Variants in FAM120A observed in about 807,000 individuals in gnomAD.
FAM120A encodes the protein constitutive coactivator of PPAR-gamma-like protein 1.
Under a neutral mutation model 109.7 loss-of-function variants are expected in FAM120A, and 15 were observed. The observed-to-expected ratio is 0.14, with a 90% CI of 0.09 to 0.21. The LOEUF is 0.21. Among genes scored for constraint, FAM120A ranks in the 10% least tolerant of loss-of-function variants. FAM120A has a pLI of 1.00. For missense variants in FAM120A, 899 were observed against 1,439.3 expected (o/e 0.62, Z 6.07); for synonymous variants, 493 against 572.8 (o/e 0.86, Z 1.99).
chr9:93,457,344 A>G (rs2131197885), intron 1 of FAM120A, among the ~76,000 whole-genome samples: 1 of 151,932 alleles, frequency 6.6e-6, no homozygotes, highest in Non-Finnish European at 1.5e-5. Flanking sequence ...TGTGTAGGCC[A>G]TATATTTTAT....
intron 11 of FAM120A, among the ~76,000 whole-genome samples, chr9:93,544,533 A>G (rs10992781): frequency 0.28 from 42,510 of 152,168 alleles, 7,004 homozygotes; most frequent in East Asian, 0.42. Context: ...GTTTGGTTTC[A>G]TTTTAAAAGA....
intron 1 of FAM120A, chr9:93,453,152 A>C (rs1857359761): frequency 1.0e-6 from 1 of 1,003,420 alleles, no homozygotes; most frequent in African/African-American, 1.7e-5. Flanking sequence ...GGAGTCGCTC[A>C]AAATCAGGGG....
At chr9:93,497,650 T>C in intron 4 of FAM120A, 51 bp downstream of exon 4, 1 of 1,567,094 alleles carries the variant, frequency 6.4e-7, no homozygotes, top group East Asian at 2.3e-5. Flanking sequence ...GGATATGACG[T>C]TGCATAGTGG....
At chr9:93,463,536 A>G (rs972266182) in intron 1 of FAM120A, among the ~76,000 whole-genome samples, 1 of 152,204 alleles carries the variant, frequency 6.6e-6, no homozygotes, top group South Asian at 2.1e-4. Flanking sequence ...TAATGTTCTT[A>G]TTCTTCAGTT....
In FAM120A at chr9:93,555,704, C is replaced by T. The variant is rs979537894; in HGVS notation, c.2275-678C>T. On this transcript the variant is annotated intron_variant, in intron 12 of 17. Coordinates refer to ENST00000277165, the MANE Select transcript of FAM120A (RefSeq NM_014612.5). ...TAGAAGGTAGGCACCCAGCACTTAA[C>T]ACTGAGGGAAGTAAAAGTCTGCACA... Among the ~76,000 whole-genome samples, 5 of 152,200 alleles carry T rather than the reference C, an allele frequency of 3.3e-5. 1 individual carries two copies. Among genetic ancestry groups the T allele is most frequent in the African/African-American group, 1.2e-4 (5 of 41,430 alleles).
At position 93,452,039 on chromosome 9, in the gene FAM120A, A is replaced by G. The variant is rs1029974624; in HGVS notation, c.124A>G (p.Thr42Ala). 6.4e-7 allele frequency: 1 copy of G among 1,571,430 alleles called. No homozygotes were observed. Residue 42 changes from threonine to alanine, a missense_variant, in exon 1 of 18, where the codon ACC becomes GCC. By Grantham distance (58) the Thr-to-Ala change is moderately conservative. This residue lies in a region of FAM120A where 258 missense variants were observed against 451.4 expected (regional missense o/e 0.57). Transcript: ENST00000277165. The surrounding 1 kb of genome is among the most constrained non-coding windows in gnomAD (Gnocchi z 7.0). ...CGGCGGGCGGCAGCGGCCCCCGCAG[A>G]CCCCGCTGCGCCTGCTGGTGGACGC... Reference protein sequence around the residue: ...VGGGRQRPPQTPLRLLVDADN... With the variant: ...VGGGRQRPPQAPLRLLVDADN...
chr9:93,559,227 G>A (rs1004544131), intron 15 of FAM120A, among the ~76,000 whole-genome samples: 4 of 152,184 alleles, frequency 2.6e-5, no homozygotes, highest in Admixed American at 6.5e-5. Context: ...CTTTGCATTT[G>A]TATTAGGCTT....
rs773283700 is a variant in FAM120A at position 93,557,930 on chromosome 9, T to C, written c.2588T>C (p.Leu863Pro). ...CTCCCTTTCCCGCCGCCACCTGCCC[T>C]GCCCTTCTACCCTGCCTCTGCGTAC... Reference protein sequence around the residue: ...HTLPFPPPPALPFYPASAYPR... With the variant: ...HTLPFPPPPAPPFYPASAYPR... Residue 863 changes from leucine to proline, a missense_variant, in exon 14 of 18, where the codon CTG (leucine) becomes CCG (proline). Physicochemically the swap from Leu to Pro is moderately conservative, Grantham distance 98. Transcript: ENST00000277165. The C allele has an allele frequency of 6.2e-7, 1 of 1,609,852 alleles. No homozygotes were observed. The highest frequency in any genetic ancestry group is 1.1e-5 in the South Asian group (1 of 90,990).
At chr9:93,455,168 A>G (rs1262936521) in intron 1 of FAM120A, among the ~76,000 whole-genome samples, 1 of 152,252 alleles carries the variant, frequency 6.6e-6, no homozygotes, top group Non-Finnish European at 1.5e-5. Flanking sequence ...AAACTACAGT[A>G]TAGCCATACT....
At chr9:93,454,175 T>C (rs1857440957) in intron 1 of FAM120A, among the ~76,000 whole-genome samples, 2 of 152,220 alleles carry the variant, frequency 1.3e-5, no homozygotes, top group Non-Finnish European at 1.5e-5. Flanking sequence ...TCACTTAGGT[T>C]TCTGGACACG....
Position 93,558,077 on chromosome 9 carries a change from T to C in FAM120A, c.2668+67T>C. 4.2e-6 allele frequency: 6 copies of C among 1,438,002 alleles called. No homozygotes were observed. In the South Asian group the frequency reaches 7.1e-5, roughly 17 times the overall value. The allele number at this position is 1,438,002 out of a possible 1,614,324, so 89.1% of individuals were successfully genotyped here. On this transcript the variant is annotated intron_variant, in intron 14 of 17. Transcript: ENST00000277165. ...GATTCCTGTAAAGAAAGTGCAGCCC[T>C]TATAGGCAAGCCCATCTGCTGTGTT...
chr9:93,504,356 T>C (rs974999710), intron 5 of FAM120A, among the ~76,000 whole-genome samples: 1 of 152,172 alleles, frequency 6.6e-6, no homozygotes, highest in Non-Finnish European at 1.5e-5. Context: ...GTAAAAAAAA[T>C]GATTTTGTAA....
At chr9:93,490,562 G>A (rs1859269260) in intron 3 of FAM120A, among the ~76,000 whole-genome samples, 1 of 152,124 alleles carries the variant, frequency 6.6e-6, no homozygotes, top group African/African-American at 2.4e-5. Context: ...ATATTACATG[G>A]TAACTTCATT....
intron 3 of FAM120A, among the ~76,000 whole-genome samples, chr9:93,493,827 C>T (rs555800844): frequency 1.8e-4 from 28 of 151,868 alleles, no homozygotes; most frequent in African/African-American, 6.8e-4. Flanking sequence ...AACTTGGCTT[C>T]GCAGTCAGCC....
chr9:93,480,742 G>A (rs1044313444), intron 3 of FAM120A, among the ~76,000 whole-genome samples: 1 of 152,068 alleles, frequency 6.6e-6, no homozygotes, highest in Non-Finnish European at 1.5e-5. Context: ...CTTTAATAAG[G>A]AAAATACATT....
chr9:93,480,983 C>T (rs544422676), intron 3 of FAM120A, among the ~76,000 whole-genome samples: 5 of 152,346 alleles, frequency 3.3e-5, no homozygotes, highest in African/African-American at 9.6e-5. Context: ...GCTGAGCCTG[C>T]AGAGCATGGG....
intron 3 of FAM120A, among the ~76,000 whole-genome samples, chr9:93,485,153 C>G (rs924143878): frequency 2.0e-5 from 3 of 152,122 alleles, no homozygotes; most frequent in African/African-American, 4.8e-5. Flanking sequence ...ACTGTTGTTG[C>G]ACGCTAACTG....
In FAM120A at chr9:93,497,601, TA is replaced by T. The variant is rs35062269; in HGVS notation, c.933+13del. 7,018 of 1,233,068 alleles carry T rather than the reference TA, an allele frequency of 5.7e-3. No individual in the cohort carries two copies. The highest frequency in any genetic ancestry group is 0.013 in the South Asian group (818 of 62,026). The allele number at this position is 1,233,068 out of a possible 1,614,324, so 76.4% of individuals were successfully genotyped here. A position where few individuals can be genotyped will look rare whatever the true frequency, so the allele number is the denominator to read the frequency against. ...AAAGATGTTTTCCAGCATTCACAGGTAAAAAAAAAAACAAACAAAACAAAAA... is the reference window on the plus strand; with the variant it reads ...AAAGATGTTTTCCAGCATTCACAGGTAAAAAAAAAACAAACAAAACAAAAA... On this transcript the variant is annotated splice_donor_region_variant and intron_variant, in intron 4 of 17. Transcript: ENST00000277165.
At chr9:93,472,825 C>T (rs1038441701) in intron 2 of FAM120A, among the ~76,000 whole-genome samples, 1 of 152,170 alleles carries the variant, frequency 6.6e-6, no homozygotes. Context: ...ATTTCTATTT[C>T]TCCCAATCGG....
Sources: allele counts gnomAD v4.1 joint callset (sites outside exome capture counted in the v4.1 genomes callset), GRCh38; gene constraint gnomAD v4.1.1; regional missense constraint gnomAD v4.1.1; non-coding constraint Gnocchi (gnomAD v3.1); transcripts MANE v1.5; gene names NCBI Gene and HGNC (gene_info 2026-07-23, HGNC 2026-07-21).